The following EPN2 variants were observed in gnomAD, a reference collection of about 807,000 sequenced individuals.
EPN2 encodes epsin-2.
A neutral mutation model predicts 61.7 loss-of-function variants in EPN2; 34 were observed. The ratio of observed to expected loss-of-function variants is 0.55; its 90% CI spans 0.42 to 0.73. The LOEUF (loss-of-function observed/expected upper bound fraction) is 0.73. Ranked by LOEUF, EPN2 falls within the 30% of genes least tolerant of loss-of-function variation. The pLI is 0.00. For synonymous variants in EPN2, 349 were observed against 353.6 expected, an observed-to-expected ratio of 0.99 and a Z score of 0.15; for missense variants, 714 against 839.2, an observed-to-expected ratio of 0.85 and a Z score of 1.84.
At chr17:19,321,716 T>C (rs1906646677) in intron 7 of EPN2, among the ~76,000 whole-genome samples, 1 of 152,048 alleles carries the variant, frequency 6.6e-6, no homozygotes, top group Non-Finnish European at 1.5e-5. Context: ...CAGTCTGTTA[T>C]CCAGGCACAG....
At chr17:19,308,263 C>G in intron 4 of EPN2, 1 of 654,718 alleles carries the variant, frequency 1.5e-6, no homozygotes. Flanking sequence ...TAGTAGAGAC[C>G]GGGTTTTACC....
chr17:19,284,488 T>C (rs957007595), intron 3 of EPN2, among the ~76,000 whole-genome samples: 1 of 152,164 alleles, frequency 6.6e-6, no homozygotes, highest in Non-Finnish European at 1.5e-5. Flanking sequence ...AGCCACAGTG[T>C]GGACCCCACA....
chr17:19,332,120 T>A, intron 10 of EPN2, 52 bp downstream of exon 10: 2 of 1,411,336 alleles, frequency 1.4e-6, no homozygotes, highest in Non-Finnish European at 2.0e-6. Flanking sequence ...TGGGAATGGG[T>A]GTGCAGCAGG....
intron 7 of EPN2, among the ~76,000 whole-genome samples, chr17:19,320,524 T>C (rs981652456): frequency 9.2e-5 from 14 of 152,296 alleles, no homozygotes; most frequent in Admixed American, 5.9e-4. Context: ...GTCTGCCCAT[T>C]TGAGTCATCT....
At chr17:19,268,940 A>G (rs2045227802) in intron 1 of EPN2, among the ~76,000 whole-genome samples, 1 of 152,154 alleles carries the variant, frequency 6.6e-6, no homozygotes, top group Non-Finnish European at 1.5e-5. Context: ...TTAAAAAGTG[A>G]GGGACTGAAA....
At chr17:19,280,630 T>TC (rs1276582194) in intron 1 of EPN2, among the ~76,000 whole-genome samples, 1 of 152,196 alleles carries the variant, frequency 6.6e-6, no homozygotes, top group Non-Finnish European at 1.5e-5. Context: ...TTATGAGCTG[T>TC]CCCCTTTTTG....
In EPN2 at chr17:19,243,684, C is replaced by T. The variant is rs1285922583; in HGVS notation, c.-294+6153C>T. ...CTGGGATTACAGGCATGAGCCACTG[C>T]GCCCGGCCATGCCCGGCTAATTTTT... is the stretch of plus-strand genomic sequence containing the variant. On this transcript the variant is annotated intron_variant, in intron 1 of 10. Coordinates refer to ENST00000314728, the MANE Select transcript of EPN2 (RefSeq NM_014964.5). Among the ~76,000 whole-genome samples, 6 of 151,976 alleles carry T rather than the reference C, an allele frequency of 3.9e-5. No individual in the cohort carries two copies. The South Asian group carries it at 1.0e-3, about 26-fold the overall frequency.
chr17:19,260,623 A>T (rs2045131069), intron 1 of EPN2, among the ~76,000 whole-genome samples: 1 of 148,746 alleles, frequency 6.7e-6, no homozygotes. Flanking sequence ...TTGAGAATGG[A>T]ACTTTTTTTT....
chr17:19,237,976 G>T (rs1025557656), intron 1 of EPN2, among the ~76,000 whole-genome samples: 6 of 152,192 alleles, frequency 3.9e-5, no homozygotes, highest in South Asian at 2.1e-4. Context: ...TCTCCCGCCA[G>T]CCCCCGTGCA....
intron 4 of EPN2, among the ~76,000 whole-genome samples, chr17:19,288,908 G>A (rs2152219885): frequency 6.6e-6 from 1 of 152,160 alleles, no homozygotes; most frequent in South Asian, 2.1e-4. Flanking sequence ...CACTCACAGT[G>A]AGATGGGGGA....
intron 8 of EPN2, chr17:19,329,242 TC>T: frequency 2.3e-6 from 1 of 429,280 alleles, no homozygotes; most frequent in Non-Finnish European, 4.1e-6. Context: ...CAGACCCTCA[TC>T]CAAGCAACCA....
intron 7 of EPN2, among the ~76,000 whole-genome samples, chr17:19,318,549 CAAAA>C (rs58660254): frequency 1.2e-4 from 3 of 24,770 alleles, no homozygotes; most frequent in Admixed American, 4.7e-4. Context: ...GACTCCATCT[CAAAA>C]AAAAAAAAAA....
rs1164853596 is a variant in EPN2, at chr17:19,331,756, G to T, written c.1412-97G>T. 32 of 1,034,868 alleles carry T rather than the reference G, an allele frequency of 3.1e-5. No individual in the cohort carries two copies. In the Middle Eastern group the frequency reaches 6.2e-4, roughly 20 times the overall value. The allele number at this position is 1,034,868 out of a possible 1,614,324, so 64.1% of individuals were successfully genotyped here. ...GTGTGTCGTCACGTGGCGCTGTCAG[G>T]CAGGCATGTCCCCAGGAGGCCATGT... On this transcript the variant is annotated intron_variant, in intron 9 of 10. Coordinates refer to ENST00000314728, the MANE Select transcript of EPN2 (RefSeq NM_014964.5).
chr17:19,244,215 C>CT (rs1444576221), intron 1 of EPN2, among the ~76,000 whole-genome samples: 3 of 152,110 alleles, frequency 2.0e-5, no homozygotes, highest in Admixed American at 1.3e-4. Flanking sequence ...AATCCCAGCA[C>CT]TGGGAGGCTG....
Position 19,329,650 on chromosome 17 carries a change from A to G in EPN2, c.1411+3A>G, listed in dbSNP as rs1907066191. ...CCTTCGGACTTCAAAAAAAACAGGT[A>G]TGTACAGGTGATGATGGTTTCCATA... On this transcript the variant is annotated splice_donor_region_variant and intron_variant, in intron 9 of 10. Transcript: ENST00000314728. The G allele has an allele frequency of 1.3e-6, 2 of 1,566,804 alleles. No individual in the cohort carries two copies. The highest frequency in any genetic ancestry group is 1.8e-6 in the Non-Finnish European group (2 of 1,137,276).
At chr17:19,261,033 A>G (rs73308455) in intron 1 of EPN2, among the ~76,000 whole-genome samples, 1,524 of 152,308 alleles carry the variant, frequency 0.01, 13 homozygotes, top group African/African-American at 0.034. Flanking sequence ...GGCTGTTTCC[A>G]GCTTGTTTCA....
intron 1 of EPN2, among the ~76,000 whole-genome samples, chr17:19,275,718 G>A (rs1482448113): frequency 1.3e-5 from 2 of 152,180 alleles, no homozygotes; most frequent in Non-Finnish European, 2.9e-5. Flanking sequence ...CAAGAAGAGG[G>A]GGATTATGGT....
intron 7 of EPN2, among the ~76,000 whole-genome samples, chr17:19,318,205 G>A (rs537899054): frequency 6.6e-6 from 1 of 152,302 alleles, no homozygotes; most frequent in African/African-American, 2.4e-5. Flanking sequence ...TTCACTCTAT[G>A]TTCAAAGCTG....
At chr17:19,319,525 G>T (rs2152235370) in intron 7 of EPN2, among the ~76,000 whole-genome samples, 1 of 151,924 alleles carries the variant, frequency 6.6e-6, no homozygotes, top group Admixed American at 6.6e-5. Flanking sequence ...TAGAGACGGG[G>T]TTTCACCATA....
Sources: allele counts gnomAD v4.1 joint callset (sites outside exome capture counted in the v4.1 genomes callset), GRCh38; gene constraint gnomAD v4.1.1; transcripts MANE v1.5; gene names NCBI Gene and HGNC (gene_info 2026-07-23, HGNC 2026-07-21).